Variants in ADK observed in about 807,000 individuals in gnomAD.
The protein encoded by ADK is N6,N6-dimethyladenosine kinase.
In ADK, 24 loss-of-function variants were observed where a neutral mutation model predicts 44.7. The observed-to-expected ratio is 0.54, with a 90% CI of 0.39 to 0.76. ADK has a LOEUF of 0.76. Ranked by LOEUF, ADK falls within the 30% of genes least tolerant of loss-of-function variation. The pLI is 0.00. For missense variants in ADK, 321 were observed against 425.1 expected (o/e 0.76, Z 2.15); for synonymous variants, 128 against 142.6 (o/e 0.90, Z 0.73).
chr10:74,686,834 C>T (rs1241383641), intron 10 of ADK, among the ~76,000 whole-genome samples: 2 of 151,958 alleles, frequency 1.3e-5, no homozygotes, highest in Non-Finnish European at 2.9e-5. Flanking sequence ...TGCGCCACCA[C>T]GCCCGGCTAA....
intron 6 of ADK, among the ~76,000 whole-genome samples, chr10:74,445,337 CTTA>C (rs988568339): frequency 8.6e-5 from 13 of 151,958 alleles, no homozygotes; most frequent in African/African-American, 2.6e-4. Flanking sequence ...CCTTATGTTT[CTTA>C]TTATTCATTC....
chr10:74,274,745 TATAC>T lies in ADK; in HGVS notation c.195-39920_195-39917del, dbSNP rs1312345048. Among the ~76,000 whole-genome samples the T allele has an allele frequency of 5.7e-3, 731 of 129,056 alleles. 57 individuals are homozygous for T. Among genetic ancestry groups the T allele is most frequent in the African/African-American group, 0.019 (681 of 36,088 alleles). The allele number at this position is 129,056 out of a possible 152,430, so 84.7% of individuals were successfully genotyped here. A position where few individuals can be genotyped will look rare whatever the true frequency, so the allele number is the denominator to read the frequency against. On this transcript the variant is annotated intron_variant, in intron 3 of 10. Coordinates refer to ENST00000539909, the MANE Select transcript of ADK (RefSeq NM_006721.4). ...ATTTTAATGTGTGTATATATATATA[TATAC>T]ACACACACATTATATATATATAATT...
At chr10:74,229,471 C>T (rs1844668828) in intron 3 of ADK, among the ~76,000 whole-genome samples, 1 of 146,284 alleles carries the variant, frequency 6.8e-6, no homozygotes, top group Non-Finnish European at 1.5e-5. Flanking sequence ...GATCTCGGCT[C>T]ACTGCAAGCT....
At chr10:74,634,140 A>C (rs763614417) in intron 9 of ADK, among the ~76,000 whole-genome samples, 7 of 152,180 alleles carry the variant, frequency 4.6e-5, no homozygotes, top group African/African-American at 7.2e-5. Flanking sequence ...TGTCTCCTTA[A>C]AAAAACAATA....
At chr10:74,374,806 G>A (rs946701998) in intron 4 of ADK, among the ~76,000 whole-genome samples, 6 of 151,526 alleles carry the variant, frequency 4.0e-5, no homozygotes, top group African/African-American at 7.3e-5. Flanking sequence ...TCTTCTTTTC[G>A]CCTGGTAAAA....
chr10:74,489,939 C>T lies in ADK; in HGVS notation c.556-35317C>T, dbSNP rs368639402. On this transcript the variant is annotated intron_variant, in intron 6 of 10. Transcript: ENST00000539909. ...GCTCTCTTAAGAGATTCTTTAAAAT[C>T]ATGTGAAATAAGTAGAGTTTCTATG... 8.8e-4 allele frequency among the ~76,000 whole-genome samples: 133 copies of T among 151,914 alleles called. 4 individuals carry two copies. The South Asian group carries it at 0.027, about 31-fold the overall frequency.
At chr10:74,437,290 T>C (rs1207234592) in intron 6 of ADK, among the ~76,000 whole-genome samples, 1 of 152,208 alleles carries the variant, frequency 6.6e-6, no homozygotes, top group African/African-American at 2.4e-5. Context: ...GTTAGATTCA[T>C]GGCCAAAAGT....
At chr10:74,381,816 T>C (rs1238759018) in intron 4 of ADK, among the ~76,000 whole-genome samples, 1 of 152,220 alleles carries the variant, frequency 6.6e-6, no homozygotes, top group Non-Finnish European at 1.5e-5. Flanking sequence ...TTCATCATTG[T>C]CAATAAACTT....
chr10:74,454,472 T>C (rs376474549), intron 6 of ADK, among the ~76,000 whole-genome samples: 1 of 152,116 alleles, frequency 6.6e-6, no homozygotes, highest in Admixed American at 6.6e-5. Flanking sequence ...GAATAGTATA[T>C]TGAATAAGAG....
intron 7 of ADK, chr10:74,527,491 A>G: frequency 1.7e-6 from 1 of 589,074 alleles, no homozygotes. Flanking sequence ...AATGATCTTA[A>G]TTAAGGAGAG....
chr10:74,540,414 T>A (rs2133722698), intron 7 of ADK, among the ~76,000 whole-genome samples: 1 of 152,074 alleles, frequency 6.6e-6, no homozygotes, highest in East Asian at 1.9e-4. Context: ...AATATAAAAA[T>A]AATGAAAAAT....
chr10:74,199,300 A>G (rs1349856843), intron 1 of ADK, among the ~76,000 whole-genome samples: 1 of 152,206 alleles, frequency 6.6e-6, no homozygotes, highest in Admixed American at 6.5e-5. Flanking sequence ...AGTAGTGAAC[A>G]TAGTAACCAA....
intron 1 of ADK, among the ~76,000 whole-genome samples, chr10:74,179,080 C>G (rs9665468): frequency 0.13 from 19,821 of 152,128 alleles, 1,291 homozygotes; most frequent in Middle Eastern, 0.21. Flanking sequence ...AACTTGATAA[C>G]TGGGGTTTAG....
At chr10:74,400,642 A>G (rs1843672635) in intron 6 of ADK, among the ~76,000 whole-genome samples, 3 of 152,214 alleles carry the variant, frequency 2.0e-5, no homozygotes, top group Admixed American at 1.3e-4. Context: ...TTCTGGTTCT[A>G]TGAGGTCAAC....
intron 3 of ADK, among the ~76,000 whole-genome samples, chr10:74,239,398 A>G (rs1385685074): frequency 6.6e-6 from 1 of 152,122 alleles, no homozygotes; most frequent in South Asian, 2.1e-4. Flanking sequence ...GACAATGGCT[A>G]TGGGGTCAGT....
chr10:74,304,914 G>T (rs970658752), intron 3 of ADK, among the ~76,000 whole-genome samples: 27 of 152,010 alleles, frequency 1.8e-4, no homozygotes, highest in Admixed American at 1.3e-4. Context: ...ACCTAATCTC[G>T]GAGAACTTAA....
At chr10:74,694,392 A>C (rs59021583) in intron 10 of ADK, among the ~76,000 whole-genome samples, 1,613 of 150,736 alleles carry the variant, frequency 0.011, 17 homozygotes, top group Non-Finnish European at 0.015. Flanking sequence ...CTCTACCCCA[A>C]AAAAAAAAGA....
At chr10:74,217,485 T>C (rs944063854) in intron 2 of ADK, among the ~76,000 whole-genome samples, 4 of 152,130 alleles carry the variant, frequency 2.6e-5, no homozygotes, top group Admixed American at 6.5e-5. Flanking sequence ...TGCAGACTTA[T>C]ATGTCCCTGT....
Position 74,539,919 on chromosome 10 carries a change from A to G in ADK, c.726+14493A>G, listed in dbSNP as rs192919083. Among the ~76,000 whole-genome samples the G allele has an allele frequency of 6.6e-5, 10 of 152,324 alleles. No homozygotes were observed. In the East Asian group the frequency reaches 1.9e-3, roughly 29 times the overall value. On this transcript the variant is annotated intron_variant, in intron 7 of 10. Transcript: ENST00000539909. ...AAGGGAGACTTCTGATGTCAGTGGC[A>G]TGTTGTAAAGATGTGCTATGGGAAA... is the stretch of plus-strand genomic sequence containing the variant.
Sources: allele counts gnomAD v4.1 joint callset (sites outside exome capture counted in the v4.1 genomes callset), GRCh38; gene constraint gnomAD v4.1.1; transcripts MANE v1.5; gene names NCBI Gene and HGNC (gene_info 2026-07-23, HGNC 2026-07-21).